KCNQ1: variants seen among roughly 807,000 people sequenced by gnomAD.
The protein encoded by KCNQ1 is potassium voltage-gated channel subfamily Q member 1.
KCNQ1 carries 49 observed loss-of-function variants against 72.4 expected under a neutral mutation model. The observed-to-expected ratio is 0.68, with a 90% confidence interval of 0.54 to 0.86. The LOEUF is 0.86. Among genes scored for constraint, KCNQ1 ranks in the 40% least tolerant of loss-of-function variants. The pLI, the probability that KCNQ1 is intolerant of heterozygous loss-of-function variation, is 0.00. For missense variants in KCNQ1, 790 were observed against 945.1 expected (o/e 0.84, Z 2.15); for synonymous variants, 450 against 412.6 (o/e 1.09, Z -1.10).
At chr11:2,776,099 C>A in intron 13 of KCNQ1, 45 bp downstream of exon 13, 1 of 1,468,380 alleles carries the variant, frequency 6.8e-7, no homozygotes, top group Non-Finnish European at 9.3e-7. Context: ...CAGGTCCTGC[C>A]CAGCCCGGCC....
At chr11:2,688,444 T>G (rs181257946) in intron 11 of KCNQ1, 104 of 398,742 alleles carry the variant, frequency 2.6e-4, no homozygotes, top group African/African-American at 2.0e-3. Context: ...GCCTGTGCCA[T>G]CACTATTTCA....
rs1222993729 is a variant in KCNQ1, at chr11:2,492,483, G to T, written c.387-35445G>T. ...AGGTTTTAAGCCCTACATGCATTAG[G>T]TATTTGTCCTAATGCTCTCCCTCCC... On this transcript the variant is annotated intron_variant, in intron 1 of 15. Coordinates refer to ENST00000155840, the MANE Select transcript of KCNQ1 (RefSeq NM_000218.3). The surrounding 1 kb of genome is among the most constrained non-coding windows in gnomAD (Gnocchi z 4.1). Among the ~76,000 whole-genome samples, 2 of 152,090 alleles carry T rather than the reference G, an allele frequency of 1.3e-5. No homozygotes were observed. The highest frequency in any genetic ancestry group is 4.8e-5 in the African/African-American group (2 of 41,404).
rs1368939252 is a variant in KCNQ1, at chr11:2,457,010, T to TA, written c.386+11531dup. On this transcript the variant is annotated intron_variant, in intron 1 of 15. Coordinates refer to ENST00000155840, the MANE Select transcript of KCNQ1 (RefSeq NM_000218.3). The surrounding 1 kb of genome is among the most constrained non-coding windows in gnomAD (Gnocchi z 5.0). ...GGCAAAAGATATGGTAGACAGTTCT[T>TA]AAAAAGAAGACATACAAACAGTCAA... 6.6e-6 allele frequency among the ~76,000 whole-genome samples: 1 copy of TA among 151,388 alleles called. No individual in the cohort carries two copies. The highest frequency in any genetic ancestry group is 2.4e-5 in the African/African-American group (1 of 41,206).
chr11:2,741,770 C>T (rs1846055680), intron 11 of KCNQ1, among the ~76,000 whole-genome samples: 1 of 152,246 alleles, frequency 6.6e-6, no homozygotes, highest in Admixed American at 6.5e-5. Flanking sequence ...TGCGGGCGCG[C>T]AGACAGCTGG....
Position 2,489,062 on chromosome 11 carries a change from C to CA in KCNQ1, c.387-38860dup, listed in dbSNP as rs775487405. Among the ~76,000 whole-genome samples the CA allele has an allele frequency of 1.8e-4, 27 of 152,254 alleles. 1 individual carries two copies. In the East Asian group the frequency reaches 2.3e-3, roughly 13 times the overall value. ...ACACCAAATTTGAGAACTATCTACACAAAAAAGCACCTTCATAAGAACCAA... is the reference window on the plus strand; with the variant it reads ...ACACCAAATTTGAGAACTATCTACACAAAAAAAGCACCTTCATAAGAACCAA... On this transcript the variant is annotated intron_variant, in intron 1 of 15. Transcript: ENST00000155840.
intron 10 of KCNQ1, among the ~76,000 whole-genome samples, chr11:2,596,644 A>G (rs1363203202): frequency 1.3e-5 from 2 of 152,012 alleles, no homozygotes; most frequent in African/African-American, 4.8e-5. Context: ...GAAAATGACC[A>G]CTAATATAGA....
rs1156278455 is a variant in KCNQ1 at position 2,676,355 on chromosome 11, G to A, written c.1514+14274G>A. 5.0e-6 allele frequency: 2 copies of A among 398,500 alleles called. No homozygotes were observed. Among genetic ancestry groups the A allele is most frequent in the East Asian group, 7.1e-5 (2 of 28,086 alleles). The allele number at this position is 398,500 out of a possible 1,614,324, so 24.7% of individuals were successfully genotyped here. ...TTGAAGTGCTGTTTTCTCATGGTTGGGCTTCCAGTATAATTGGAAGGAGCA... is the reference window on the plus strand; with the variant it reads ...TTGAAGTGCTGTTTTCTCATGGTTGAGCTTCCAGTATAATTGGAAGGAGCA... On this transcript the variant is annotated intron_variant, in intron 11 of 15. Coordinates refer to ENST00000155840, the MANE Select transcript of KCNQ1 (RefSeq NM_000218.3). This position sits in a 1 kb window ranked among gnomAD's most constrained non-coding sequence, Gnocchi z 4.2.
At chr11:2,576,280 C>T (rs1848421528) in intron 6 of KCNQ1, among the ~76,000 whole-genome samples, 1 of 152,170 alleles carries the variant, frequency 6.6e-6, no homozygotes. Context: ...GTTGAGTGTC[C>T]CCTCCTGTCC....
rs971698859 is a variant in KCNQ1 at position 2,559,650 on chromosome 11, G to A, written c.478-10978G>A. Among the ~76,000 whole-genome samples, 38 of 152,200 alleles carry A rather than the reference G, an allele frequency of 2.5e-4. No individual in the cohort carries two copies. Among genetic ancestry groups the A allele is most frequent in the African/African-American group, 8.2e-4 (34 of 41,440 alleles). ...CGCTCACCAGGAAGAAGACACGTCC[G>A]GGCAGCTGGCAGGTGGGGCTAGTTC... On this transcript the variant is annotated intron_variant, in intron 2 of 15. Transcript: ENST00000155840. This position sits in a 1 kb window ranked among gnomAD's most constrained non-coding sequence, Gnocchi z 4.9.
chr11:2,665,349 GTTGGGGA>G, intron 11 of KCNQ1: 1 of 398,314 alleles, frequency 2.5e-6, no homozygotes, highest in Non-Finnish European at 4.4e-6. Flanking sequence ...TGCATGGGCA[GTTGGGGA>G]GCACCCCCAT....
intron 10 of KCNQ1, chr11:2,615,463 A>G (rs189725544): frequency 1.3e-5 from 5 of 397,946 alleles, no homozygotes; most frequent in Non-Finnish European, 2.2e-5. Flanking sequence ...GGTAAAGCAT[A>G]CAGCCATATC....
rs559621889 is a variant in KCNQ1, at chr11:2,498,597, C to G, written c.387-29331C>G. On this transcript the variant is annotated intron_variant, in intron 1 of 15. Transcript: ENST00000155840. The surrounding 1 kb of genome is among the most constrained non-coding windows in gnomAD (Gnocchi z 4.8). ...CTGTGCTGGCAGTGAGAATTTGAAG[C>G]CAGTGGTTCTTAGCTTGCTGGGCTC... 6.6e-6 allele frequency among the ~76,000 whole-genome samples: 1 copy of G among 152,344 alleles called. No individual in the cohort carries two copies. Among genetic ancestry groups the G allele is most frequent in the African/African-American group, 2.4e-5 (1 of 41,596 alleles).
Position 2,768,557 on chromosome 11 carries a change from A to G in KCNQ1, c.1515-287A>G, listed in dbSNP as rs1020899690. ...TCAGCAGCATAGCCATGGCCAACTC[A>G]GGGCCCTGACTCCTACCTGACCCCC... On this transcript the variant is annotated intron_variant, in intron 11 of 15. Transcript: ENST00000155840. This position sits in a 1 kb window ranked among gnomAD's most constrained non-coding sequence, Gnocchi z 6.7. Among the ~76,000 whole-genome samples the G allele has an allele frequency of 6.6e-6, 1 of 152,158 alleles. No homozygotes were observed. The highest frequency in any genetic ancestry group is 1.5e-5 in the Non-Finnish European group (1 of 68,022).
chr11:2,606,594 G>A (rs990291780), intron 10 of KCNQ1, among the ~76,000 whole-genome samples: 32 of 152,096 alleles, frequency 2.1e-4, no homozygotes, highest in Non-Finnish European at 7.3e-5. Context: ...GCAGGTGCTG[G>A]TGCCATATTT....
chr11:2,778,100 C>T (rs1846745531), intron 15 of KCNQ1, 63 bp downstream of exon 15: 1 of 1,490,324 alleles, frequency 6.7e-7, no homozygotes. Flanking sequence ...AGGCACCTCC[C>T]TGTGGTCTGC....
chr11:2,829,819 G>A (rs1457482775), intron 15 of KCNQ1, among the ~76,000 whole-genome samples: 13 of 151,964 alleles, frequency 8.6e-5, no homozygotes, highest in East Asian at 3.9e-4. Flanking sequence ...AAGATCTAGC[G>A]CCCAGGGAAG....
chr11:2,823,243 A>G (rs1175571718), intron 15 of KCNQ1, among the ~76,000 whole-genome samples: 3 of 152,244 alleles, frequency 2.0e-5, no homozygotes, highest in African/African-American at 7.2e-5. Context: ...TGAACAGATC[A>G]GTCTTTGGTA....
At chr11:2,662,715 G>C (rs1284144096) in intron 11 of KCNQ1, 1 of 401,128 alleles carries the variant, frequency 2.5e-6, no homozygotes, top group African/African-American at 2.1e-5. Flanking sequence ...GGGTCAGTGG[G>C]GCACCCAAGT....
chr11:2,558,729 G>C (rs750148210), intron 2 of KCNQ1, among the ~76,000 whole-genome samples: 1 of 152,166 alleles, frequency 6.6e-6, no homozygotes, highest in Non-Finnish European at 1.5e-5. Context: ...GTCGGCCCCC[G>C]TAAGGCACCG....
Sources: allele counts gnomAD v4.1 joint callset (sites outside exome capture counted in the v4.1 genomes callset), GRCh38; gene constraint gnomAD v4.1.1; non-coding constraint Gnocchi (gnomAD v3.1); transcripts MANE v1.5; gene names NCBI Gene and HGNC (gene_info 2026-07-23, HGNC 2026-07-21).